The following AFF4 variants were observed in gnomAD, a reference collection of about 807,000 sequenced individuals.
The protein encoded by AFF4 is AF4/FMR2 family member 4.
In AFF4, 13 loss-of-function variants were observed where a neutral mutation model predicts 124.8. The observed-to-expected ratio is 0.10, with a 90% confidence interval of 0.07 to 0.17. The LOEUF is 0.17. AFF4 is among the 10% of genes least tolerant of loss of function. The pLI is 1.00. For synonymous variants in AFF4, 477 were observed against 496.1 expected (o/e 0.96, Z 0.51); for missense variants, 1,092 against 1,403.8 (o/e 0.78, Z 3.55).
At chr5:132,954,546 C>CTTTTAATGCTCT (rs1554079096) in intron 1 of AFF4, among the ~76,000 whole-genome samples, 2 of 122,146 alleles carry the variant, frequency 1.6e-5, no homozygotes, top group Non-Finnish European at 3.4e-5. Context: ...AAACAATGCT[C>CTTTTAATGCTCT]TTTTTTTTTT....
At chr5:132,894,023 G>C (rs1167536433) in intron 11 of AFF4, among the ~76,000 whole-genome samples, 5 of 151,952 alleles carry the variant, frequency 3.3e-5, no homozygotes, top group African/African-American at 9.7e-5. Context: ...TCTCATTTAT[G>C]GCTGAATAGT....
At chr5:132,950,091 G>C (rs370290882) in intron 1 of AFF4, among the ~76,000 whole-genome samples, 3 of 152,158 alleles carry the variant, frequency 2.0e-5, no homozygotes, top group East Asian at 1.9e-4. Flanking sequence ...CAGCACTCTG[G>C]GAGGCCGAGG....
At chr5:132,911,900 A>G (rs1044735429) in intron 5 of AFF4, among the ~76,000 whole-genome samples, 2 of 152,060 alleles carry the variant, frequency 1.3e-5, no homozygotes, top group Non-Finnish European at 1.5e-5. Flanking sequence ...AACAATGTAC[A>G]TATCAAAAAC....
At chr5:132,916,352 C>G (rs1285596098) in intron 5 of AFF4, among the ~76,000 whole-genome samples, 5 of 151,602 alleles carry the variant, frequency 3.3e-5, no homozygotes, top group Non-Finnish European at 7.4e-5. Flanking sequence ...TGCTTTAGCC[C>G]AGGAGTTTGA....
intron 1 of AFF4, among the ~76,000 whole-genome samples, chr5:132,944,689 G>A (rs1478014359): frequency 6.6e-6 from 1 of 151,952 alleles, no homozygotes; most frequent in Non-Finnish European, 1.5e-5. Context: ...CCAGCACTTT[G>A]GAGGCTGAGG....
At chr5:132,934,023 C>T in intron 3 of AFF4, 124 bp downstream of exon 3, 2 of 1,149,270 alleles carry the variant, frequency 1.7e-6, no homozygotes, top group African/African-American at 1.6e-5. Flanking sequence ...TTTTTTTCAT[C>T]TTTCAACTTT....
At chr5:132,952,141 G>C (rs1561512778) in intron 1 of AFF4, among the ~76,000 whole-genome samples, 1 of 152,140 alleles carries the variant, frequency 6.6e-6, no homozygotes, top group East Asian at 1.9e-4. Context: ...TTCTAGAATA[G>C]ACAGCTAGAA....
At chr5:132,945,023 T>C (rs1475958432) in intron 1 of AFF4, 2 of 193,042 alleles carry the variant, frequency 1.0e-5, no homozygotes, top group South Asian at 1.1e-4. Context: ...TCATCGAGTC[T>C]GCCCAGAAAG....
chr5:132,933,843 A>G (rs1341141101), intron 3 of AFF4, among the ~76,000 whole-genome samples: 1 of 152,256 alleles, frequency 6.6e-6, no homozygotes. Context: ...ATTGTTCTAT[A>G]AAATCAAAAT....
chr5:132,903,486 A>G (rs1316423681), intron 6 of AFF4, among the ~76,000 whole-genome samples: 1 of 152,222 alleles, frequency 6.6e-6, no homozygotes, highest in African/African-American at 2.4e-5. Flanking sequence ...TTACAGAGGT[A>G]TACGGTAAAG....
chr5:132,952,277 TTC>T (rs1390912100), intron 1 of AFF4, among the ~76,000 whole-genome samples: 9 of 152,198 alleles, frequency 5.9e-5, no homozygotes, highest in Non-Finnish European at 1.0e-4. Flanking sequence ...TTTCCCAACA[TTC>T]TGTTTCCAAT....
rs1404808909 is a variant in AFF4, at chr5:132,879,047, A to G, written c.*2012T>C. On this transcript the variant is annotated 3_prime_UTR_variant, in exon 21 of 21. Coordinates refer to ENST00000265343, the MANE Select transcript of AFF4 (RefSeq NM_014423.4). ...TTGAGAAGTTGTCCTCTTATGGAAA[A>G]CTGTTCCTAGAACACACTAAGATTA... 1 of 222,418 alleles carries G rather than the reference A, an allele frequency of 4.5e-6. No homozygotes were observed. Among genetic ancestry groups the G allele is most frequent in the African/African-American group, 2.2e-5 (1 of 44,782 alleles). The allele number at this position is 222,418 out of a possible 1,614,324, so 13.8% of individuals were successfully genotyped here. A position where few individuals can be genotyped will look rare whatever the true frequency, so the allele number is the denominator to read the frequency against.
chr5:132,917,598 T>TAG, intron 5 of AFF4, among the ~76,000 whole-genome samples: 1 of 152,220 alleles, frequency 6.6e-6, no homozygotes, highest in East Asian at 1.9e-4. Flanking sequence ...GAAATGATTG[T>TAG]CTAGGAAATA....
At chr5:132,891,534 TC>T (rs1023681395) in intron 13 of AFF4, among the ~76,000 whole-genome samples, 101 of 152,232 alleles carry the variant, frequency 6.6e-4, no homozygotes, top group African/African-American at 2.3e-3. Context: ...TGAAGAATAC[TC>T]CCCTGCATTG....
At chr5:132,908,081 G>A (rs1760710401) in intron 5 of AFF4, among the ~76,000 whole-genome samples, 1 of 151,676 alleles carries the variant, frequency 6.6e-6, no homozygotes. Context: ...AGTACCAGTA[G>A]GAGATAACTA....
intron 18 of AFF4, among the ~76,000 whole-genome samples, chr5:132,885,804 T>C (rs914031671): frequency 2.0e-5 from 3 of 152,132 alleles, no homozygotes; most frequent in Non-Finnish European, 4.4e-5. Flanking sequence ...ACAGAGTCTC[T>C]CTCTCTGTCA....
intron 1 of AFF4, among the ~76,000 whole-genome samples, chr5:132,961,353 A>G (rs1164716627): frequency 6.6e-6 from 1 of 152,092 alleles, no homozygotes. Flanking sequence ...AGTAGCTAGA[A>G]CTACAGGTGT....
rs780849992 is a variant in AFF4 at position 132,932,212 on chromosome 5, G to A, written c.929C>T (p.Ser310Phe). ...IPSQPLDASA[S>F]GDVSCVDEIL... is the part of the protein sequence containing the mutation. ...TTCATCCACACAGCTCACATCACCA[G>A]AAGCTGATGCCTTGAAAGAAAAAGC... The change falls in exon 4 of 21, where the codon TCT (serine) becomes TTT (phenylalanine). Residue 310 changes from serine (S) to phenylalanine (F), a missense_variant. Ser to Phe is a radical substitution (Grantham distance 155). Coordinates refer to ENST00000265343, the MANE Select transcript of AFF4 (RefSeq NM_014423.4). The A allele has an allele frequency of 1.2e-6, 2 of 1,606,920 alleles. No homozygotes were observed. The highest frequency in any genetic ancestry group is 2.2e-5 in the South Asian group (2 of 89,130).
intron 1 of AFF4, among the ~76,000 whole-genome samples, chr5:132,960,443 G>A (rs1339140967): frequency 1.3e-5 from 2 of 152,148 alleles, no homozygotes; most frequent in Non-Finnish European, 2.9e-5. Context: ...ACAAAGAAAA[G>A]TCCTCATAGA....
Sources: allele counts gnomAD v4.1 joint callset (sites outside exome capture counted in the v4.1 genomes callset), GRCh38; gene constraint gnomAD v4.1.1; transcripts MANE v1.5; gene names NCBI Gene and HGNC (gene_info 2026-07-23, HGNC 2026-07-21).